GNPAT: variants seen among roughly 807,000 people sequenced by gnomAD.
GNPAT encodes glyceronephosphate O-acyltransferase, also known as dihydroxyacetone phosphate acyltransferase.
Under a neutral mutation model 78.4 loss-of-function variants are expected in GNPAT, and 30 were observed. The ratio of observed to expected loss-of-function variants is 0.38; its 90% CI spans 0.29 to 0.52. GNPAT has a LOEUF of 0.52. GNPAT is among the 20% of genes least tolerant of loss of function. The pLI, the probability that GNPAT is intolerant of heterozygous loss-of-function variation, is 0.84. For missense variants in GNPAT, 714 were observed against 812.2 expected, an observed-to-expected ratio of 0.88 and a Z score of 1.47; for synonymous variants, 271 against 281.1, an observed-to-expected ratio of 0.96 and a Z score of 0.36.
intron 2 of GNPAT, among the ~76,000 whole-genome samples, chr1:231,256,274 A>G (rs1177648467): frequency 6.6e-6 from 1 of 152,004 alleles, no homozygotes; most frequent in Non-Finnish European, 1.5e-5. Context: ...TTCAAGATGT[A>G]TAAGTCAAAC....
chr1:231,277,173 C>G (rs1685741133), intron 15 of GNPAT, among the ~76,000 whole-genome samples: 2 of 152,220 alleles, frequency 1.3e-5, no homozygotes, highest in Non-Finnish European at 2.9e-5. Flanking sequence ...ACCACAAACA[C>G]CTCGCCCTGT....
At chr1:231,266,669 T>C (rs1340966603) in intron 8 of GNPAT, among the ~76,000 whole-genome samples, 1 of 152,188 alleles carries the variant, frequency 6.6e-6, no homozygotes, top group Non-Finnish European at 1.5e-5. Context: ...TCAAGGGAAC[T>C]AAAGTGGGAA....
intron 2 of GNPAT, 110 bp downstream of exon 2, chr1:231,251,253 C>A: frequency 3.0e-6 from 2 of 674,222 alleles, no homozygotes; most frequent in Non-Finnish European, 5.2e-6. Context: ...GAGCTGTATT[C>A]ATCACATTTA....
At chr1:231,263,008 T>C (rs1290113515) in intron 4 of GNPAT, among the ~76,000 whole-genome samples, 156 bp downstream of exon 4, 2 of 152,324 alleles carry the variant, frequency 1.3e-5, no homozygotes, top group Non-Finnish European at 2.9e-5. Flanking sequence ...TCCTTTGTCC[T>C]GTGCTTTACT....
At chr1:231,253,879 C>G (rs1482696908) in intron 2 of GNPAT, among the ~76,000 whole-genome samples, 1 of 152,188 alleles carries the variant, frequency 6.6e-6, no homozygotes, top group Non-Finnish European at 1.5e-5. Context: ...AGGCCATGGT[C>G]CCATCTACAG....
At chr1:231,241,845 C>G (rs528407881) in intron 1 of GNPAT, among the ~76,000 whole-genome samples, 245 of 152,324 alleles carry the variant, frequency 1.6e-3, no homozygotes, top group African/African-American at 4.9e-3. Context: ...TTGACCCGCC[C>G]TGAGATAGCC....
chr1:231,271,145 C>G (rs542609162), intron 10 of GNPAT, 145 bp downstream of exon 10: 4 of 960,444 alleles, frequency 4.2e-6, no homozygotes, highest in Non-Finnish European at 6.7e-6. Flanking sequence ...AGCTTTGTTC[C>G]CCAAATACTT....
At chr1:231,277,453 C>T (rs1685749341) in intron 15 of GNPAT, 46 bp from the exon 16 acceptor site, 2 of 1,246,970 alleles carry the variant, frequency 1.6e-6, no homozygotes, top group Non-Finnish European at 2.4e-6. Context: ...TGAGGAAGGG[C>T]AAAATCAGCA....
chr1:231,266,252 T>TC (rs200792825), intron 7 of GNPAT, 25 bp from the exon 8 acceptor site: 181 of 1,613,634 alleles, frequency 1.1e-4, no homozygotes, highest in Non-Finnish European at 8.0e-5. Context: ...TTCGTTTTCT[T>TC]CCCCCCCTGT....
chr1:231,265,163 A>C, intron 4 of GNPAT, 130 bp from the exon 5 acceptor site: 1 of 749,242 alleles, frequency 1.3e-6, no homozygotes, highest in Non-Finnish European at 2.2e-6. Flanking sequence ...TGACCAACCT[A>C]GCCAACATAG....
chr1:231,261,595 A>G (rs1050234189), intron 3 of GNPAT, among the ~76,000 whole-genome samples: 1 of 152,088 alleles, frequency 6.6e-6, no homozygotes, highest in African/African-American at 2.4e-5. Flanking sequence ...TCCCTTTATA[A>G]TTAATGAATA....
At position 231,241,575 on chromosome 1, in the gene GNPAT, GAGGA is replaced by G. The variant is rs1004233161; in HGVS notation, c.78+120_78+123del. ...CAAAAGAGCTGGCCCCTAGGCTCCC[GAGGA>G]GGGGTTAGTTGGTTGGATTGGTTTC... On this transcript the variant is annotated intron_variant, in intron 1 of 15. Transcript: ENST00000366647. 8 of 777,824 alleles carry G rather than the reference GAGGA, an allele frequency of 1.0e-5. No individual in the cohort carries two copies. The Admixed American group carries it at 1.5e-4, about 14-fold the overall frequency. 48.2% of individuals were successfully genotyped at this position (777,824 alleles called of 1,614,324 possible).
In GNPAT at chr1:231,266,301, C is replaced by G. The variant is rs907339691; in HGVS notation, c.949C>G (p.Leu317Val). The change falls in exon 8 of 16, where the codon CTC becomes GTC. Residue 317 changes from leucine to valine, a missense_variant. Leu to Val is a conservative substitution (Grantham distance 32, BLOSUM62 1). Coordinates refer to ENST00000366647, the MANE Select transcript of GNPAT (RefSeq NM_014236.4). ...GGGGTTGCTGAAAGCCAGAAAGATTCTCTCTGAAAATTTTGGAAGCATCCA... is the reference window on the plus strand; with the variant it reads ...GGGGTTGCTGAAAGCCAGAAAGATTGTCTCTGAAAATTTTGGAAGCATCCA... ...TTGLLKARKI[L>V]SENFGSIHVY... 1 of 1,614,108 alleles carries G rather than the reference C, an allele frequency of 6.2e-7. No homozygotes were observed. Among genetic ancestry groups the G allele is most frequent in the Admixed American group, 1.7e-5 (1 of 60,016 alleles).
intron 11 of GNPAT, among the ~76,000 whole-genome samples, chr1:231,272,821 T>C (rs549666310): frequency 6.6e-6 from 1 of 152,000 alleles, no homozygotes; most frequent in South Asian, 2.1e-4. Flanking sequence ...ATACAAAAAT[T>C]AGCTGGGCGT....
At position 231,266,298 on chromosome 1, in the gene GNPAT, A is replaced by T; in HGVS notation, c.946A>T (p.Ile316Phe). 7.4e-6 allele frequency: 12 copies of T among 1,614,144 alleles called. No homozygotes were observed. The highest frequency in any genetic ancestry group is 1.0e-5 in the Non-Finnish European group (12 of 1,180,004). Residue 316 changes from isoleucine to phenylalanine, a missense_variant, in exon 8 of 16, where the codon ATT becomes TTT. By Grantham distance (21) the Ile-to-Phe change is conservative. Transcript: ENST00000366647. Reference sequence around the variant, plus strand: ...TTAGGGGTTGCTGAAAGCCAGAAAGATTCTCTCTGAAAATTTTGGAAGCAT... The same window carrying T: ...TTAGGGGTTGCTGAAAGCCAGAAAGTTTCTCTCTGAAAATTTTGGAAGCAT... Reference protein sequence around the residue: ...STTGLLKARKILSENFGSIHV... With the variant: ...STTGLLKARKFLSENFGSIHV...
intron 2 of GNPAT, among the ~76,000 whole-genome samples, chr1:231,254,547 T>C (rs1377956436): frequency 6.6e-6 from 1 of 151,560 alleles, no homozygotes; most frequent in African/African-American, 2.4e-5. Flanking sequence ...GTTCACACCA[T>C]CCTCCTGCCT....
chr1:231,274,967 T>C (rs1468876248), intron 12 of GNPAT: 1 of 414,486 alleles, frequency 2.4e-6, no homozygotes, highest in East Asian at 5.1e-5. Context: ...CTTGTACCCC[T>C]TGAAGTGAGA....
intron 9 of GNPAT, chr1:231,270,182 C>G (rs1434060134): frequency 6.3e-6 from 1 of 158,404 alleles, no homozygotes; most frequent in Non-Finnish European, 1.4e-5. Flanking sequence ...TGGCAGCTGT[C>G]TGCAGGCCAA....
chr1:231,243,836 CTT>C (rs1558322361), intron 1 of GNPAT, among the ~76,000 whole-genome samples: 1 of 151,956 alleles, frequency 6.6e-6, no homozygotes. Context: ...AAAATCTTAA[CTT>C]TATGGGAGAT....
Sources: allele counts gnomAD v4.1 joint callset (sites outside exome capture counted in the v4.1 genomes callset), GRCh38; gene constraint gnomAD v4.1.1; transcripts MANE v1.5; gene names NCBI Gene and HGNC (gene_info 2026-07-23, HGNC 2026-07-21).